The following PSD3 variants were observed in gnomAD, a reference collection of about 807,000 sequenced individuals.
The protein encoded by PSD3 is pleckstrin and Sec7 domain containing 3, also known as PH and SEC7 domain-containing protein 3.
In PSD3, 49 loss-of-function variants were observed where a neutral mutation model predicts 105.5. The observed-to-expected ratio is 0.46, with a 90% CI of 0.37 to 0.59. PSD3 has a LOEUF of 0.59. PSD3 is among the 20% of genes least tolerant of loss of function. PSD3 has a pLI of 0.00. For synonymous variants in PSD3, 557 were observed against 457.8 expected (o/e 1.22, Z -2.77); for missense variants, 1,561 against 1,263.8 (o/e 1.24, Z -3.57).
intron 2 of PSD3, among the ~76,000 whole-genome samples, chr8:18,898,600 A>G (rs1263804885): frequency 6.6e-6 from 1 of 152,200 alleles, no homozygotes; most frequent in Non-Finnish European, 1.5e-5. Context: ...TTAGCCTACT[A>G]TTGACTAGAA....
chr8:18,701,944 G>C (rs1306732871), intron 9 of PSD3, among the ~76,000 whole-genome samples: 4 of 152,046 alleles, frequency 2.6e-5, no homozygotes, highest in African/African-American at 9.7e-5. Context: ...ACGGCTCTTG[G>C]GATTTTTGCC....
intron 9 of PSD3, among the ~76,000 whole-genome samples, chr8:18,661,868 C>T (rs192869976): frequency 6.6e-6 from 1 of 152,262 alleles, no homozygotes; most frequent in Admixed American, 6.5e-5. Flanking sequence ...TCTCCCGTAC[C>T]CACTGGACAG....
At chr8:18,875,445 G>GGTGGCCGGGC (rs1817667881) in intron 2 of PSD3, among the ~76,000 whole-genome samples, 4 of 151,906 alleles carry the variant, frequency 2.6e-5, no homozygotes, top group African/African-American at 9.7e-5. Flanking sequence ...CAGTAAAGAA[G>GGTGGCCGGGC]GCAGTAGGTC....
intron 9 of PSD3, among the ~76,000 whole-genome samples, chr8:18,666,175 T>G (rs573248509): frequency 6.6e-6 from 1 of 152,212 alleles, no homozygotes; most frequent in Admixed American, 6.5e-5. Context: ...CTTAGCCTCC[T>G]GAGTAGCTGG....
At chr8:18,807,835 G>T (rs1019465544) in intron 4 of PSD3, among the ~76,000 whole-genome samples, 3 of 152,114 alleles carry the variant, frequency 2.0e-5, no homozygotes, top group Non-Finnish European at 4.4e-5. Context: ...GCTGGGTGTG[G>T]TGGCTGAAAC....
At chr8:18,640,327 C>A (rs544444933) in intron 10 of PSD3, among the ~76,000 whole-genome samples, 2 of 152,256 alleles carry the variant, frequency 1.3e-5, no homozygotes, top group South Asian at 4.2e-4. Flanking sequence ...TCCACAACAA[C>A]AAAACTGCAT....
At chr8:18,589,100 G>C (rs555863880) in intron 12 of PSD3, among the ~76,000 whole-genome samples, 1 of 152,304 alleles carries the variant, frequency 6.6e-6, no homozygotes, top group African/African-American at 2.4e-5. Context: ...TCCTTGCAGA[G>C]ACAAAGGTAG....
intron 2 of PSD3, among the ~76,000 whole-genome samples, chr8:18,923,879 A>G (rs1586437288): frequency 6.8e-6 from 1 of 146,056 alleles, no homozygotes; most frequent in African/African-American, 2.6e-5. Flanking sequence ...TTCAACAGCT[A>G]CTTTAAATAT....
At chr8:18,785,092 A>G (rs575820837) in intron 8 of PSD3, among the ~76,000 whole-genome samples, 1 of 152,264 alleles carries the variant, frequency 6.6e-6, no homozygotes, top group African/African-American at 2.4e-5. Context: ...CATCCAAGGC[A>G]TCTAGGAACC....
intron 11 of PSD3, among the ~76,000 whole-genome samples, chr8:18,626,350 C>T (rs1806476859): frequency 6.6e-6 from 1 of 151,938 alleles, no homozygotes; most frequent in South Asian, 2.1e-4. Context: ...AGCTTTGATT[C>T]AAATTTTCAC....
intron 9 of PSD3, among the ~76,000 whole-genome samples, chr8:18,750,051 G>A (rs1378728389): frequency 6.6e-6 from 1 of 152,124 alleles, no homozygotes. Flanking sequence ...ATGAGATAAT[G>A]ATCAATCTGT....
chr8:18,917,314 C>G (rs576144641), intron 2 of PSD3, among the ~76,000 whole-genome samples: 7 of 152,244 alleles, frequency 4.6e-5, no homozygotes, highest in African/African-American at 1.7e-4. Context: ...CTGATAGAAC[C>G]CCTCCATTTT....
At chr8:18,553,383 A>G (rs1357070321) in intron 15 of PSD3, among the ~76,000 whole-genome samples, 1 of 152,046 alleles carries the variant, frequency 6.6e-6, no homozygotes, top group East Asian at 1.9e-4. Context: ...GAGAACAGTC[A>G]CCAGGTTTGT....
chr8:18,701,780 C>T (rs1215903566), intron 9 of PSD3, among the ~76,000 whole-genome samples: 1 of 152,142 alleles, frequency 6.6e-6, no homozygotes. Flanking sequence ...AATATAAGAG[C>T]TTTACAACTG....
At chr8:19,074,765 C>T (rs1167281002) in intron 1 of PSD3, among the ~76,000 whole-genome samples, 10 of 150,506 alleles carry the variant, frequency 6.6e-5, no homozygotes, top group Admixed American at 4.0e-4. Flanking sequence ...GGACTACAAG[C>T]GCCCACCACC....
At chr8:18,648,947 T>G (rs1207645685) in intron 10 of PSD3, among the ~76,000 whole-genome samples, 2 of 152,256 alleles carry the variant, frequency 1.3e-5, no homozygotes, top group Non-Finnish European at 2.9e-5. Context: ...AGTTAAGGCT[T>G]CGGAGCCTTT....
At chr8:18,563,342 GA>G (rs1405650715) in intron 14 of PSD3, among the ~76,000 whole-genome samples, 3 of 151,090 alleles carry the variant, frequency 2.0e-5, no homozygotes, top group African/African-American at 7.4e-5. Flanking sequence ...TGAACAAATA[GA>G]TTTTTTTTTT....
At chr8:18,654,370 T>C (rs1430132677) in intron 10 of PSD3, among the ~76,000 whole-genome samples, 2 of 152,162 alleles carry the variant, frequency 1.3e-5, no homozygotes, top group Non-Finnish European at 2.9e-5. Context: ...CCGAGTTCAT[T>C]GTAGAATGCT....
At chr8:18,590,974 C>A (rs887718449) in intron 12 of PSD3, among the ~76,000 whole-genome samples, 1 of 152,160 alleles carries the variant, frequency 6.6e-6, no homozygotes, top group African/African-American at 2.4e-5. Flanking sequence ...TAGATTTAAA[C>A]AGTCTCTTCC....
Sources: gnomAD v4.1 joint callset for allele counts (sites outside exome capture counted in the v4.1 genomes callset) on GRCh38, gnomAD v4.1.1 for gene constraint, MANE v1.5 for transcripts, NCBI Gene and HGNC (gene_info 2026-07-23, HGNC 2026-07-21) for gene names.